GNG12: variants seen among roughly 807,000 people sequenced by gnomAD.
GNG12 encodes G protein subunit gamma 12.
For synonymous variants in GNG12, 28 were observed against 29.7 expected, an observed-to-expected ratio of 0.94 and a Z score of 0.19; for missense variants, 69 against 83.8, an observed-to-expected ratio of 0.82 and a Z score of 0.69.
chr1:67,819,179 T>C (rs1646971915), intron 1 of GNG12, among the ~76,000 whole-genome samples: 1 of 152,066 alleles, frequency 6.6e-6, no homozygotes, highest in South Asian at 2.1e-4. Flanking sequence ...GGGGGCAGGG[T>C]GTCCAAGCTA....
intron 1 of GNG12, among the ~76,000 whole-genome samples, chr1:67,811,367 ATAC>A (rs1381798454): frequency 6.6e-6 from 1 of 152,112 alleles, no homozygotes; most frequent in Non-Finnish European, 1.5e-5. Flanking sequence ...GCCATTAGAG[ATAC>A]TACAATTTTT....
intron 2 of GNG12, among the ~76,000 whole-genome samples, chr1:67,711,986 G>A (rs990797654): frequency 3.3e-5 from 5 of 152,214 alleles, no homozygotes; most frequent in African/African-American, 1.2e-4. Flanking sequence ...TGCACAAAGA[G>A]GGCCACTGTG....
At chr1:67,774,286 T>C (rs558784584) in intron 2 of GNG12, among the ~76,000 whole-genome samples, 17 of 152,222 alleles carry the variant, frequency 1.1e-4, no homozygotes, top group Admixed American at 2.0e-4. Flanking sequence ...ACTGGGGACT[T>C]ATTTTATCTC....
intron 1 of GNG12, among the ~76,000 whole-genome samples, chr1:67,811,489 G>A (rs1646925634): frequency 6.6e-6 from 1 of 152,088 alleles, no homozygotes; most frequent in Admixed American, 6.5e-5. Context: ...GGTTTCCAGG[G>A]GCATCCACAA....
intron 2 of GNG12, among the ~76,000 whole-genome samples, chr1:67,723,154 G>A (rs967915546): frequency 6.6e-6 from 1 of 152,330 alleles, no homozygotes; most frequent in East Asian, 1.9e-4. Context: ...CTGTGAAAAT[G>A]TAAGAATGAA....
chr1:67,774,854 C>G (rs569227219), intron 2 of GNG12, among the ~76,000 whole-genome samples: 1 of 152,266 alleles, frequency 6.6e-6, no homozygotes, highest in South Asian at 2.1e-4. Flanking sequence ...GAAAAAAAAG[C>G]CCATAGAAGT....
At chr1:67,812,414 G>A (rs964929224) in intron 1 of GNG12, among the ~76,000 whole-genome samples, 1 of 152,200 alleles carries the variant, frequency 6.6e-6, no homozygotes, top group African/African-American at 2.4e-5. Flanking sequence ...GGCAGACTAT[G>A]TGCCCTGCTA....
rs140776716 is a variant in GNG12, at chr1:67,792,212, C to T, written c.-76-14705G>A. Among the ~76,000 whole-genome samples the T allele has an allele frequency of 6.8e-3, 989 of 144,648 alleles. 6 individuals carry two copies. The highest frequency in any genetic ancestry group is 0.024 in the African/African-American group (946 of 40,094). The allele number at this position is 144,648 out of a possible 152,430, so 94.9% of individuals were successfully genotyped here. ...CTCTCCTTCACTGGAATGTCAATGC[C>T]GTAAGAAAAGGATGTTGTTTGTTTA... is the stretch of plus-strand genomic sequence containing the variant. On this transcript the variant is annotated intron_variant, in intron 1 of 3. Coordinates refer to ENST00000370982, the MANE Select transcript of GNG12 (RefSeq NM_018841.6).
chr1:67,705,694 T>C, intron 3 of GNG12, 118 bp from the exon 4 acceptor site: 1 of 1,391,152 alleles, frequency 7.2e-7, no homozygotes, highest in South Asian at 1.7e-5. Flanking sequence ...ATAATCAGAG[T>C]CTCAAAGCAT....
intron 2 of GNG12, among the ~76,000 whole-genome samples, chr1:67,713,364 A>G (rs1646307364): frequency 6.6e-6 from 1 of 152,212 alleles, no homozygotes; most frequent in Non-Finnish European, 1.5e-5. Context: ...AATACTTCGC[A>G]TTGGTTTTAA....
At chr1:67,785,970 T>C (rs1646765511) in intron 1 of GNG12, among the ~76,000 whole-genome samples, 1 of 152,162 alleles carries the variant, frequency 6.6e-6, no homozygotes, top group African/African-American at 2.4e-5. Flanking sequence ...ACTAAAGTCT[T>C]GGTCAGCATT....
At chr1:67,773,474 A>G (rs1646686290) in intron 2 of GNG12, among the ~76,000 whole-genome samples, 1 of 152,200 alleles carries the variant, frequency 6.6e-6, no homozygotes, top group African/African-American at 2.4e-5. Flanking sequence ...CCTAGTTTAT[A>G]GTTCGCTACC....
At chr1:67,779,326 A>T (rs1447950705) in intron 1 of GNG12, among the ~76,000 whole-genome samples, 1 of 152,144 alleles carries the variant, frequency 6.6e-6, no homozygotes, top group East Asian at 1.9e-4. Flanking sequence ...GGTCAGTGAC[A>T]CCGTAGGGCT....
chr1:67,787,044 T>TGTGC (rs888169725), intron 1 of GNG12, among the ~76,000 whole-genome samples: 1 of 148,334 alleles, frequency 6.7e-6, no homozygotes, highest in African/African-American at 2.5e-5. Context: ...TAAGTGTGTG[T>TGTGC]GTGTGTGTGT....
At chr1:67,724,357 C>G (rs760726564) in intron 2 of GNG12, among the ~76,000 whole-genome samples, 1 of 152,098 alleles carries the variant, frequency 6.6e-6, no homozygotes, top group Non-Finnish European at 1.5e-5. Flanking sequence ...TTATATTGAA[C>G]AAAAAAGCCA....
intron 2 of GNG12, among the ~76,000 whole-genome samples, chr1:67,775,648 G>A (rs754760372): frequency 6.6e-6 from 1 of 152,174 alleles, no homozygotes; most frequent in African/African-American, 2.4e-5. Context: ...GGCATATATC[G>A]CCTTTAGCTC....
chr1:67,831,486 G>A (rs1357507495), intron 1 of GNG12, among the ~76,000 whole-genome samples: 1 of 152,070 alleles, frequency 6.6e-6, no homozygotes, highest in Admixed American at 6.5e-5. Flanking sequence ...AAATCTAAGT[G>A]CTGTGTGCCC....
At chr1:67,746,535 G>C (rs184382195) in intron 2 of GNG12, among the ~76,000 whole-genome samples, 13 of 152,062 alleles carry the variant, frequency 8.5e-5, no homozygotes, top group Admixed American at 2.0e-4. Context: ...CTATGGGGGC[G>C]GGGGAGGTGG....
intron 1 of GNG12, among the ~76,000 whole-genome samples, chr1:67,824,635 A>G (rs988828993): frequency 4.6e-5 from 7 of 152,156 alleles, no homozygotes; most frequent in African/African-American, 1.7e-4. Context: ...CATATATTAT[A>G]TATTTTCAAA....
Sources: gnomAD v4.1 joint callset for allele counts (sites outside exome capture counted in the v4.1 genomes callset) on GRCh38, gnomAD v4.1.1 for gene constraint, MANE v1.5 for transcripts, NCBI Gene and HGNC (gene_info 2026-07-23, HGNC 2026-07-21) for gene names.